The following ARID4B variants were observed in gnomAD, a reference collection of about 807,000 sequenced individuals.
The protein encoded by ARID4B is AT-rich interaction domain 4B.
ARID4B carries 26 observed loss-of-function variants against 147.5 expected under a neutral mutation model. That is an observed-to-expected ratio of 0.18 (90% CI 0.13 to 0.24). The LOEUF (loss-of-function observed/expected upper bound fraction) is 0.24, where lower values mean the gene tolerates loss of function less well. Among genes scored for constraint, ARID4B ranks in the 10% least tolerant of loss-of-function variants. The pLI is 1.00. For missense variants in ARID4B, 1,179 were observed against 1,511.5 expected, an observed-to-expected ratio of 0.78 and a Z score of 3.65; for synonymous variants, 512 against 507.9, an observed-to-expected ratio of 1.01 and a Z score of -0.11.
intron 2 of ARID4B, among the ~76,000 whole-genome samples, chr1:235,281,418 G>A (rs1288661124): frequency 6.6e-6 from 1 of 152,158 alleles, no homozygotes; most frequent in African/African-American, 2.4e-5. Context: ...GGGCGTGGTG[G>A]TGCATGCTTG....
rs116632622 is a variant in ARID4B at position 235,194,095 on chromosome 1, T to C, written c.2043A>G (p.Lys681=). The C allele has an allele frequency of 3.1e-6, 5 of 1,612,984 alleles. No homozygotes were observed. In the East Asian group the frequency reaches 1.1e-4, roughly 36 times the overall value. The part of the protein sequence containing the change: ...QTNPSPEMVS[K]LDLTDAKNSD... ...AGTTTTTGGCATCAGTGAGATCCAG[T>C]TTGGATACCATTTCAGGAGATGGAT... is the stretch of plus-strand genomic sequence containing the variant. The change falls in exon 19 of 24, where the codon AAA becomes AAG. Residue 681 remains lysine (K), a synonymous_variant. Transcript: ENST00000264183.
At chr1:235,279,478 T>C (rs975487590) in intron 2 of ARID4B, among the ~76,000 whole-genome samples, 1 of 152,200 alleles carries the variant, frequency 6.6e-6, no homozygotes, top group Non-Finnish European at 1.5e-5. Flanking sequence ...CAGACCAATT[T>C]AAAATAATAC....
chr1:235,192,157 C>T (rs1406578671), intron 19 of ARID4B, among the ~76,000 whole-genome samples: 4 of 152,014 alleles, frequency 2.6e-5, no homozygotes, highest in African/African-American at 7.3e-5. Context: ...TAATTCAATT[C>T]TGAAGAAAAG....
At position 235,233,747 on chromosome 1, in the gene ARID4B, T is replaced by C. The variant is rs79084547; in HGVS notation, c.665+666A>G. On this transcript the variant is annotated intron_variant, in intron 9 of 23. Coordinates refer to ENST00000264183, the MANE Select transcript of ARID4B (RefSeq NM_016374.6). ...TAGTAGAAGTATTGGAAATTCCTAA[T>C]TAGACCATCAAGAACAAACCCTAAG... 5.1e-3 allele frequency among the ~76,000 whole-genome samples: 780 copies of C among 152,290 alleles called. 8 individuals carry two copies. Among genetic ancestry groups the C allele is most frequent in the Non-Finnish European group, 6.9e-3 (470 of 68,016 alleles).
chr1:235,297,884 T>G (rs1364029333), intron 2 of ARID4B, among the ~76,000 whole-genome samples: 1 of 152,174 alleles, frequency 6.6e-6, no homozygotes, highest in Non-Finnish European at 1.5e-5. Context: ...AAGAGACCAT[T>G]TAGAACCGTA....
chr1:235,197,149 C>T (rs936396837), intron 17 of ARID4B, among the ~76,000 whole-genome samples: 9 of 152,014 alleles, frequency 5.9e-5, no homozygotes, highest in African/African-American at 1.4e-4. Flanking sequence ...ACAGTTTATT[C>T]GTTCTTCATT....
At chr1:235,242,773 G>A (rs752358535) in intron 7 of ARID4B, among the ~76,000 whole-genome samples, 1 of 152,144 alleles carries the variant, frequency 6.6e-6, no homozygotes, top group Non-Finnish European at 1.5e-5. Context: ...TCAGCTAGCT[G>A]AAACATCTAT....
At chr1:235,221,021 C>T (rs1285058344) in intron 14 of ARID4B, among the ~76,000 whole-genome samples, 1 of 152,206 alleles carries the variant, frequency 6.6e-6, no homozygotes, top group Non-Finnish European at 1.5e-5. Context: ...CCTCAGCCTC[C>T]TGAGTAGCTG....
chr1:235,168,883 G>A (rs938088342), intron 23 of ARID4B, among the ~76,000 whole-genome samples: 3 of 152,168 alleles, frequency 2.0e-5, no homozygotes, highest in Admixed American at 6.5e-5. Context: ...ACAGACCAGG[G>A]AAGGCTCCTG....
chr1:235,226,366 T>C (rs1667829075), intron 11 of ARID4B, among the ~76,000 whole-genome samples: 1 of 152,092 alleles, frequency 6.6e-6, no homozygotes, highest in African/African-American at 2.4e-5. Context: ...TTTTTTTGTT[T>C]TGTCTTGTTT....
chr1:235,180,479 A>C (rs1664244542), intron 20 of ARID4B: 1 of 152,076 alleles, frequency 6.6e-6, no homozygotes. Flanking sequence ...TAATATTCTG[A>C]AATAAAGGAT....
chr1:235,201,474 C>T (rs1273994803), intron 17 of ARID4B, among the ~76,000 whole-genome samples: 1 of 152,082 alleles, frequency 6.6e-6, no homozygotes, highest in East Asian at 1.9e-4. Flanking sequence ...CAGGCATTCA[C>T]CACCACACCT....
At chr1:235,215,189 T>C (rs1666978188) in intron 16 of ARID4B, among the ~76,000 whole-genome samples, 1 of 152,162 alleles carries the variant, frequency 6.6e-6, no homozygotes, top group Admixed American at 6.5e-5. Context: ...TTTCTAAAAC[T>C]GAGCATTCAT....
intron 7 of ARID4B, among the ~76,000 whole-genome samples, chr1:235,241,985 G>A (rs1315280489): frequency 6.6e-6 from 1 of 151,402 alleles, no homozygotes; most frequent in East Asian, 2.0e-4. Flanking sequence ...TTGGCTGGAA[G>A]TATTGTACTC....
intron 2 of ARID4B, among the ~76,000 whole-genome samples, chr1:235,269,659 TAC>T (rs1213486030): frequency 1.3e-5 from 2 of 152,080 alleles, no homozygotes; most frequent in Non-Finnish European, 2.9e-5. Context: ...CACATATATA[TAC>T]ACACACATAC....
At chr1:235,185,616 A>G (rs1664620847) in intron 19 of ARID4B, among the ~76,000 whole-genome samples, 1 of 152,214 alleles carries the variant, frequency 6.6e-6, no homozygotes, top group Admixed American at 6.5e-5. Flanking sequence ...CTCATCGAGT[A>G]GTTTCCTTAA....
At chr1:235,185,971 T>G (rs1664646018) in intron 19 of ARID4B, among the ~76,000 whole-genome samples, 1 of 136,914 alleles carries the variant, frequency 7.3e-6, no homozygotes, top group Non-Finnish European at 1.6e-5. Flanking sequence ...TCTTTAGTTA[T>G]TTGCTTTTTT....
chr1:235,227,760 C>A (rs529215317), intron 11 of ARID4B, among the ~76,000 whole-genome samples: 33 of 151,766 alleles, frequency 2.2e-4, no homozygotes, highest in Middle Eastern at 3.4e-3. Context: ...GAACTATCTA[C>A]CCATTTGTCT....
In ARID4B at chr1:235,322,808, G is replaced by T. The variant is rs74600379; in HGVS notation, c.6+4106C>A. Among the ~76,000 whole-genome samples, 1,325 of 152,000 alleles carry T rather than the reference G, an allele frequency of 8.7e-3. 22 individuals are homozygous for T. Among genetic ancestry groups the T allele is most frequent in the African/African-American group, 0.03 (1,253 of 41,424 alleles). On this transcript the variant is annotated intron_variant, in intron 2 of 23. Transcript: ENST00000264183. ...TGAAAGGGGTGAGACAGAAGGAAGAGGGGGAAGGAAAAGAACAGAGAGGGG... is the reference window on the plus strand; with the variant it reads ...TGAAAGGGGTGAGACAGAAGGAAGATGGGGAAGGAAAAGAACAGAGAGGGG...
Sources: allele counts gnomAD v4.1 joint callset (sites outside exome capture counted in the v4.1 genomes callset), GRCh38; gene constraint gnomAD v4.1.1; transcripts MANE v1.5; gene names NCBI Gene and HGNC (gene_info 2026-07-23, HGNC 2026-07-21).